CD247: variants seen among roughly 807,000 people sequenced by gnomAD.
The protein encoded by CD247 is CD247 molecule, also known as T-cell surface glycoprotein CD3 zeta chain.
In CD247, 13 loss-of-function variants were observed where a neutral mutation model predicts 30.0. The observed-to-expected ratio is 0.43, with a 90% CI of 0.28 to 0.69. CD247 has a LOEUF of 0.69. Among genes scored for constraint, CD247 ranks in the 30% least tolerant of loss-of-function variants. The probability of loss-of-function intolerance (pLI) is 0.16; values close to 1 mark genes in which losing one functional copy is unlikely to be tolerated. For missense variants in CD247, 193 were observed against 212.6 expected (o/e 0.91, Z 0.57); for synonymous variants, 72 against 80.0 (o/e 0.90, Z 0.53).
At chr1:167,518,329 C>T (rs1655705723) in intron 1 of CD247, 79 bp downstream of exon 1, 2 of 1,371,140 alleles carry the variant, frequency 1.5e-6, no homozygotes, top group Admixed American at 1.7e-5. Flanking sequence ...CCTCACCACC[C>T]TCCACTACCC....
At chr1:167,455,584 G>C (rs1269870821) in intron 1 of CD247, among the ~76,000 whole-genome samples, 1 of 152,090 alleles carries the variant, frequency 6.6e-6, no homozygotes, top group Non-Finnish European at 1.5e-5. Context: ...CTGGCTCCTC[G>C]CTCGAGGTTT....
chr1:167,508,037 CA>C lies in CD247; in HGVS notation c.58+10370del, dbSNP rs527812313. On this transcript the variant is annotated intron_variant, in intron 1 of 7. Transcript: ENST00000362089. Reference sequence around the variant, plus strand: ...CTAACAGATGTGTCTTCCAAACCGACAAAATCAAGAAATTGTCATGAAGATC... The same window carrying C: ...CTAACAGATGTGTCTTCCAAACCGACAAATCAAGAAATTGTCATGAAGATC... Among the ~76,000 whole-genome samples, 286 of 152,286 alleles carry C rather than the reference CA, an allele frequency of 1.9e-3. 1 individual carries two copies. Among genetic ancestry groups the C allele is most frequent in the African/African-American group, 6.6e-3 (275 of 41,564 alleles).
At chr1:167,465,581 T>C (rs544827834) in intron 1 of CD247, among the ~76,000 whole-genome samples, 526 of 152,278 alleles carry the variant, frequency 3.5e-3, no homozygotes, top group Non-Finnish European at 6.6e-3. Flanking sequence ...TCCATCTGCC[T>C]AGGCCTCCAA....
intron 1 of CD247, among the ~76,000 whole-genome samples, chr1:167,449,400 C>A (rs1000897950): frequency 6.6e-5 from 10 of 151,576 alleles, no homozygotes; most frequent in Non-Finnish European, 1.3e-4. Flanking sequence ...GTAATCCACC[C>A]GCCTCAGCCT....
intron 1 of CD247, among the ~76,000 whole-genome samples, chr1:167,469,073 C>G (rs532171378): frequency 1.3e-5 from 2 of 152,314 alleles, no homozygotes; most frequent in East Asian, 1.9e-4. Context: ...ACCTCCACCT[C>G]CTGGGTTCAA....
intron 1 of CD247, among the ~76,000 whole-genome samples, chr1:167,495,329 T>C (rs1464723201): frequency 6.6e-6 from 1 of 152,192 alleles, no homozygotes; most frequent in Non-Finnish European, 1.5e-5. Flanking sequence ...TGGACGGGTG[T>C]GCTCACCCCA....
chr1:167,441,900 C>T (rs1192716994), intron 1 of CD247, among the ~76,000 whole-genome samples: 1 of 152,182 alleles, frequency 6.6e-6, no homozygotes, highest in Non-Finnish European at 1.5e-5. Flanking sequence ...CACTTGAGGT[C>T]AGGAGTTCAA....
chr1:167,488,299 G>C (rs1381643618), intron 1 of CD247, among the ~76,000 whole-genome samples: 1 of 152,204 alleles, frequency 6.6e-6, no homozygotes, highest in Non-Finnish European at 1.5e-5. Context: ...ACCTGTTAAA[G>C]CACAGTAAGG....
chr1:167,483,506 TTTA>T (rs1654063424), intron 1 of CD247, among the ~76,000 whole-genome samples: 1 of 152,226 alleles, frequency 6.6e-6, no homozygotes, highest in Non-Finnish European at 1.5e-5. Context: ...GGAGCTGGAA[TTTA>T]TTATCATCTC....
intron 1 of CD247, among the ~76,000 whole-genome samples, chr1:167,468,404 A>G (rs1445349581): frequency 6.6e-6 from 1 of 152,218 alleles, no homozygotes; most frequent in African/African-American, 2.4e-5. Flanking sequence ...TTATTATTGA[A>G]CAGAGTCAAT....
At chr1:167,434,528 G>A (rs1435905442) in intron 5 of CD247, 1 of 354,984 alleles carries the variant, frequency 2.8e-6, no homozygotes, top group Non-Finnish European at 5.5e-6. Context: ...CCACCTGCAA[G>A]GGTCTCCTGC....
At chr1:167,468,278 A>G (rs1354543046) in intron 1 of CD247, among the ~76,000 whole-genome samples, 1 of 152,200 alleles carries the variant, frequency 6.6e-6, no homozygotes. Flanking sequence ...ATACACAAAT[A>G]TTGAATTGAC....
chr1:167,444,312 G>A (rs1284775100), intron 1 of CD247, among the ~76,000 whole-genome samples: 2 of 152,168 alleles, frequency 1.3e-5, no homozygotes, highest in Non-Finnish European at 2.9e-5. Context: ...CAAAGGCACC[G>A]CATCGCCACT....
chr1:167,512,915 T>C (rs1401559806), intron 1 of CD247, among the ~76,000 whole-genome samples: 2 of 152,214 alleles, frequency 1.3e-5, no homozygotes, highest in African/African-American at 4.8e-5. Flanking sequence ...AACAGAGAGT[T>C]AGAGAAACAT....
chr1:167,431,175 C>G lies in CD247; in HGVS notation c.*506G>C. On this transcript the variant is annotated 3_prime_UTR_variant, in exon 8 of 8. Transcript: ENST00000362089. ...GGCCTAGGCTCCTTTCCATCTGCCC[C>G]TCTGCCCGGCCCTCTCACCAGGGAG... 2.4e-6 allele frequency: 1 copy of G among 425,006 alleles called. No individual in the cohort carries two copies. The highest frequency in any genetic ancestry group is 4.2e-6 in the Non-Finnish European group (1 of 240,480). The allele number at this position is 425,006 out of a possible 1,614,324, so 26.3% of individuals were successfully genotyped here. A position where few individuals can be genotyped will look rare whatever the true frequency, so the allele number is the denominator to read the frequency against.
chr1:167,500,553 C>T (rs1393712632), intron 1 of CD247, among the ~76,000 whole-genome samples: 3 of 152,310 alleles, frequency 2.0e-5, no homozygotes, highest in South Asian at 4.1e-4. Flanking sequence ...GCACTGACAT[C>T]AATTCTAACA....
chr1:167,471,729 G>T (rs1383455022), intron 1 of CD247, among the ~76,000 whole-genome samples: 1 of 151,412 alleles, frequency 6.6e-6, no homozygotes, highest in Non-Finnish European at 1.5e-5. Context: ...CAGCCTCCAG[G>T]GTAGCTGGAG....
intron 1 of CD247, among the ~76,000 whole-genome samples, chr1:167,486,035 C>T (rs1654193168): frequency 6.6e-6 from 1 of 152,326 alleles, no homozygotes; most frequent in South Asian, 2.1e-4. Context: ...CCACACACCA[C>T]TCTGACCCCT....
chr1:167,434,054 G>A lies in CD247; in HGVS notation c.359C>T (p.Ala120Val), dbSNP rs745871212. Residue 120 changes from alanine (A) to valine (V), a missense_variant, in exon 6 of 8, where the codon GCG becomes GTG. Ala to Val is a moderately conservative substitution (Grantham distance 64, BLOSUM62 0). Transcript: ENST00000362089. The stretch of plus-strand genomic sequence containing the variant: ...CATCCCAATCTCACTGTAGGCCTCC[G>A]CCATCTTATCTTTCTGCAGTTCCTG... Reference protein sequence around the residue: ...LYNELQKDKMAEAYSEIGMKG... With the variant: ...LYNELQKDKMVEAYSEIGMKG... 36 of 1,613,882 alleles carry A rather than the reference G, an allele frequency of 2.2e-5. No individual in the cohort carries two copies. Among genetic ancestry groups the A allele is most frequent in the Non-Finnish European group, 2.8e-5 (33 of 1,179,858 alleles).
Sources: allele counts gnomAD v4.1 joint callset (sites outside exome capture counted in the v4.1 genomes callset), GRCh38; gene constraint gnomAD v4.1.1; transcripts MANE v1.5; gene names NCBI Gene and HGNC (gene_info 2026-07-23, HGNC 2026-07-21).